RFTN2: variants seen among roughly 807,000 people sequenced by gnomAD.
RFTN2 encodes raftlin-2.
In RFTN2, 34 loss-of-function variants were observed where a neutral mutation model predicts 52.7. The observed-to-expected ratio is 0.64, with a 90% CI of 0.49 to 0.86. RFTN2 has a LOEUF of 0.86. Among genes scored for constraint, RFTN2 ranks in the 40% least tolerant of loss-of-function variants. RFTN2 has a pLI of 0.00. For missense variants in RFTN2, 536 were observed against 600.1 expected, an observed-to-expected ratio of 0.89 and a Z score of 1.12; for synonymous variants, 203 against 217.7, an observed-to-expected ratio of 0.93 and a Z score of 0.59.
rs1316825906 is a variant in RFTN2 at position 197,571,797 on chromosome 2, A to C, written c.*211T>G. 5.2e-6 allele frequency: 3 copies of C among 572,748 alleles called. No individual in the cohort carries two copies. Among genetic ancestry groups the C allele is most frequent in the African/African-American group, 1.9e-5 (1 of 53,430 alleles). 35.5% of individuals were successfully genotyped at this position (572,748 alleles called of 1,614,324 possible). On this transcript the variant is annotated 3_prime_UTR_variant, in exon 9 of 9. Transcript: ENST00000295049. ...TGTTTAACCAGATGTTTTAGTTGAGAGAAGTGTAAACATGATTCTAAATGT... is the reference window on the plus strand; with the variant it reads ...TGTTTAACCAGATGTTTTAGTTGAGCGAAGTGTAAACATGATTCTAAATGT...
chr2:197,624,208 A>G (rs2088314474), intron 5 of RFTN2, among the ~76,000 whole-genome samples: 1 of 152,242 alleles, frequency 6.6e-6, no homozygotes, highest in Admixed American at 6.5e-5. Context: ...CGATAAAGCA[A>G]TTGGAGGGTT....
rs375608419 is a variant in RFTN2, at chr2:197,660,489, A to G, written c.140-13823T>C. On this transcript the variant is annotated intron_variant, in intron 1 of 8. Coordinates refer to ENST00000295049, the MANE Select transcript of RFTN2 (RefSeq NM_144629.3). ...AGTATTTTACATATTTATGAAGTAT[A>G]TGTGATATTTTGTTACAATCATAGA... is the stretch of plus-strand genomic sequence containing the variant. Among the ~76,000 whole-genome samples, 8 of 152,280 alleles carry G rather than the reference A, an allele frequency of 5.3e-5. No homozygotes were observed. The South Asian group carries it at 1.0e-3, about 20-fold the overall frequency.
chr2:197,604,348 C>T (rs1470546904), intron 7 of RFTN2, among the ~76,000 whole-genome samples: 1 of 152,140 alleles, frequency 6.6e-6, no homozygotes, highest in African/African-American at 2.4e-5. Flanking sequence ...CAACTGGAGA[C>T]AGCAAACCAC....
chr2:197,617,739 A>G, intron 6 of RFTN2, 61 bp downstream of exon 6: 1 of 638,364 alleles, frequency 1.6e-6, no homozygotes. Flanking sequence ...CCAAACATAT[A>G]TATATATTAT....
intron 8 of RFTN2, among the ~76,000 whole-genome samples, chr2:197,587,133 G>C (rs182928151): frequency 4.7e-4 from 72 of 152,068 alleles, no homozygotes; most frequent in Non-Finnish European, 9.0e-4. Context: ...CATTCTATAT[G>C]ACAAATACTC....
Position 197,633,780 on chromosome 2 carries a change from C to G in RFTN2, c.656G>C (p.Ser219Thr). Residue 219 changes from serine (S) to threonine (T), a missense_variant, in exon 4 of 9, where the codon AGT becomes ACT. Ser to Thr is a moderately conservative substitution (Grantham distance 58). Coordinates refer to ENST00000295049, the MANE Select transcript of RFTN2 (RefSeq NM_144629.3). ...SGIEEELHHE[S>T]GQYQMEQNGS... ...ATTTTGTTCCATTTGATACTGTCCA[C>G]TTTCATGATGAAGTTCTTCCTCAAT... The G allele has an allele frequency of 6.2e-7, 1 of 1,613,874 alleles. No individual in the cohort carries two copies. The highest frequency in any genetic ancestry group is 8.5e-7 in the Non-Finnish European group (1 of 1,179,828).
At chr2:197,650,572 T>A (rs1483113279) in intron 1 of RFTN2, among the ~76,000 whole-genome samples, 1 of 152,240 alleles carries the variant, frequency 6.6e-6, no homozygotes, top group African/African-American at 2.4e-5. Flanking sequence ...CTGGCTTATT[T>A]CACTTAGTGT....
At chr2:197,596,379 C>T (rs1228542533) in intron 7 of RFTN2, among the ~76,000 whole-genome samples, 1 of 151,982 alleles carries the variant, frequency 6.6e-6, no homozygotes, top group African/African-American at 2.4e-5. Context: ...CTTTGTTTCC[C>T]CTCTTAGTCT....
chr2:197,650,705 G>A (rs2088814176), intron 1 of RFTN2, among the ~76,000 whole-genome samples: 1 of 152,050 alleles, frequency 6.6e-6, no homozygotes, highest in Non-Finnish European at 1.5e-5. Flanking sequence ...ATGAACATGT[G>A]GGTTGTTTCC....
Position 197,644,272 on chromosome 2 carries a change from G to C in RFTN2, c.324C>G (p.Ser108Arg), listed in dbSNP as rs758499071. The stretch of plus-strand genomic sequence containing the variant: ...CACTGGGTGCTGCCGAATTCTTTGG[G>C]CTGTAACAGAGGGAATATGTTTATG... ...YRVVLLRLKL[S>R]PKNSAAPSGQ... is the part of the protein sequence containing the mutation. The change falls in exon 3 of 9, where the codon AGC becomes AGG. Residue 108 changes from serine (S) to arginine (R), a missense_variant and splice_region_variant. Coordinates refer to ENST00000295049, the MANE Select transcript of RFTN2 (RefSeq NM_144629.3). The C allele has an allele frequency of 6.4e-7, 1 of 1,553,496 alleles. No homozygotes were observed. Among genetic ancestry groups the C allele is most frequent in the East Asian group, 2.2e-5 (1 of 44,632 alleles).
At chr2:197,620,907 G>A (rs1017678695) in intron 5 of RFTN2, among the ~76,000 whole-genome samples, 4 of 152,102 alleles carry the variant, frequency 2.6e-5, no homozygotes, top group African/African-American at 7.2e-5. Flanking sequence ...GGGAGATTGC[G>A]GTGAGCCGAG....
chr2:197,665,837 C>T (rs575259673), intron 1 of RFTN2, among the ~76,000 whole-genome samples: 1 of 151,896 alleles, frequency 6.6e-6, no homozygotes, highest in African/African-American at 2.4e-5. Context: ...TTCTTTGTTC[C>T]TTTGTTTTGC....
Position 197,670,871 on chromosome 2 carries a change from G to A in RFTN2, c.139+4449C>T, listed in dbSNP as rs545613154. ...GACTCATTATTTCCATAGCCACTCAGGCTCAAAACTGGGAAGTCATCCTGG... is the reference window on the plus strand; with the variant it reads ...GACTCATTATTTCCATAGCCACTCAAGCTCAAAACTGGGAAGTCATCCTGG... On this transcript the variant is annotated intron_variant, in intron 1 of 8. Coordinates refer to ENST00000295049, the MANE Select transcript of RFTN2 (RefSeq NM_144629.3). 4.5e-4 allele frequency among the ~76,000 whole-genome samples: 68 copies of A among 152,232 alleles called. 2 individuals are homozygous for A. The South Asian group carries it at 0.01, about 23-fold the overall frequency.
chr2:197,588,459 G>A (rs982363245), intron 8 of RFTN2, among the ~76,000 whole-genome samples: 9 of 152,300 alleles, frequency 5.9e-5, no homozygotes, highest in Admixed American at 4.6e-4. Context: ...ATGGCCAGCC[G>A]CCTTCCTTGG....
In RFTN2 at chr2:197,571,573, TGA is replaced by T. The variant is rs202088630; in HGVS notation, c.*433_*434del. On this transcript the variant is annotated 3_prime_UTR_variant, in exon 9 of 9. Transcript: ENST00000295049. ...TGCACTAATTAGCTGTGTGTGTGTA[TGA>T]GAGAGAGAGAAAAAAAAAGAGAGAG... 9 of 138,886 alleles carry T rather than the reference TGA, an allele frequency of 6.5e-5. No homozygotes were observed. Among genetic ancestry groups the T allele is most frequent in the South Asian group, 2.2e-4 (1 of 4,618 alleles). The allele number at this position is 138,886 out of a possible 1,614,324, so 8.6% of individuals were successfully genotyped here.
intron 5 of RFTN2, among the ~76,000 whole-genome samples, chr2:197,620,361 T>C (rs555186964): frequency 1.3e-5 from 2 of 152,180 alleles, no homozygotes; most frequent in Non-Finnish European, 1.5e-5. Flanking sequence ...TTTTGTCTCC[T>C]ATTTTGCTAT....
intron 5 of RFTN2, among the ~76,000 whole-genome samples, chr2:197,630,785 A>G (rs985148427): frequency 6.6e-6 from 1 of 152,210 alleles, no homozygotes; most frequent in Non-Finnish European, 1.5e-5. Flanking sequence ...CCAACAGTGA[A>G]CATTTTACGT....
At chr2:197,644,505 A>G (rs2088720340) in intron 2 of RFTN2, among the ~76,000 whole-genome samples, 2 of 152,250 alleles carry the variant, frequency 1.3e-5, no homozygotes, top group South Asian at 4.1e-4. Flanking sequence ...AGTTAGAAAG[A>G]AAGAAAAGCT....
At chr2:197,645,121 G>A (rs2088730159) in intron 2 of RFTN2, among the ~76,000 whole-genome samples, 1 of 152,280 alleles carries the variant, frequency 6.6e-6, no homozygotes, top group South Asian at 2.1e-4. Flanking sequence ...GTCATGCACT[G>A]CATAATGATG....
Sources: allele counts gnomAD v4.1 joint callset (sites outside exome capture counted in the v4.1 genomes callset), GRCh38; gene constraint gnomAD v4.1.1; transcripts MANE v1.5; gene names NCBI Gene and HGNC (gene_info 2026-07-23, HGNC 2026-07-21).